LUZP2: variants seen among roughly 807,000 people sequenced by gnomAD.
The protein encoded by LUZP2 is leucine zipper protein 2.
A neutral mutation model predicts 51.6 loss-of-function variants in LUZP2; 52 were observed. The ratio of observed to expected loss-of-function variants is 1.01; its 90% CI spans 0.81 to 1.27. LUZP2 has a LOEUF of 1.27. Among genes scored for constraint, LUZP2 ranks in the 50% most tolerant of loss-of-function variants. The probability of loss-of-function intolerance (pLI) is 0.00; values close to 1 mark genes in which losing one functional copy is unlikely to be tolerated. For synonymous variants in LUZP2, 154 were observed against 137.3 expected (o/e 1.12, Z -0.85); for missense variants, 436 against 395.4 (o/e 1.10, Z -0.87).
At chr11:24,933,975 G>T (rs373130631) in intron 7 of LUZP2, among the ~76,000 whole-genome samples, 1 of 152,102 alleles carries the variant, frequency 6.6e-6, no homozygotes, top group Non-Finnish European at 1.5e-5. Context: ...GTTGGGGGGA[G>T]GATATTACAA....
intron 5 of LUZP2, among the ~76,000 whole-genome samples, chr11:24,787,275 T>C (rs1458431978): frequency 6.6e-6 from 1 of 152,116 alleles, no homozygotes; most frequent in South Asian, 2.1e-4. Context: ...TTAAAAAAGA[T>C]TGAGCTGATT....
At chr11:24,891,069 A>G (rs1852839297) in intron 5 of LUZP2, 1 of 983,792 alleles carries the variant, frequency 1.0e-6, no homozygotes, top group African/African-American at 1.7e-5. Context: ...TAGCTGAGAA[A>G]CGTTCAAAAA....
At chr11:25,075,602 C>T (rs988940347) in intron 10 of LUZP2, among the ~76,000 whole-genome samples, 2 of 151,960 alleles carry the variant, frequency 1.3e-5, no homozygotes, top group African/African-American at 2.4e-5. Context: ...GTAAGTGTTA[C>T]AGTTGTTATA....
Position 24,852,233 on chromosome 11 carries a change from G to A in LUZP2, c.397-53758G>A, listed in dbSNP as rs186310427. 2.4e-3 allele frequency among the ~76,000 whole-genome samples: 363 copies of A among 152,194 alleles called. 3 individuals are homozygous for A. The highest frequency in any genetic ancestry group is 3.4e-3 in the Middle Eastern group (1 of 294). ...TTTTAGCCCTTTCTCGCTTTCTCCT[G>A]TGGGCATTTAGTGATATAAATTTCC... On this transcript the variant is annotated intron_variant, in intron 5 of 11. Coordinates refer to ENST00000336930, the MANE Select transcript of LUZP2 (RefSeq NM_001009909.4).
At chr11:24,537,637 C>T (rs909954704) in intron 1 of LUZP2, among the ~76,000 whole-genome samples, 1 of 102,544 alleles carries the variant, frequency 9.8e-6, no homozygotes, top group East Asian at 3.2e-4. Context: ...TAGCTTTTTA[C>T]CACTTCTGAA....
intron 8 of LUZP2, among the ~76,000 whole-genome samples, 186 bp from the exon 9 acceptor site, chr11:24,982,940 C>T (rs1352285981): frequency 6.6e-6 from 1 of 151,690 alleles, no homozygotes; most frequent in Admixed American, 6.6e-5. Context: ...AATGCATTAG[C>T]TCCTAGAAAC....
intron 5 of LUZP2, among the ~76,000 whole-genome samples, chr11:24,828,936 A>G (rs1590605371): frequency 6.6e-6 from 1 of 152,198 alleles, no homozygotes; most frequent in South Asian, 2.1e-4. Flanking sequence ...GGGACCAGGG[A>G]GTAACCCTGG....
In LUZP2 at chr11:25,079,645, C is replaced by T. The variant is rs1352039673; in HGVS notation, c.*987C>T. 2 of 152,046 alleles carry T rather than the reference C, an allele frequency of 1.3e-5. No individual in the cohort carries two copies. The highest frequency in any genetic ancestry group is 2.9e-5 in the Non-Finnish European group (2 of 67,962). 9.4% of individuals were successfully genotyped at this position (152,046 alleles called of 1,614,324 possible). A position where few individuals can be genotyped will look rare whatever the true frequency, so the allele number is the denominator to read the frequency against. On this transcript the variant is annotated 3_prime_UTR_variant, in exon 12 of 12. Coordinates refer to ENST00000336930, the MANE Select transcript of LUZP2 (RefSeq NM_001009909.4). ...AGGAATATCACTAATCAAAAAAATG[C>T]ACTCATGAATAATTGGAAGATAGCT... is the stretch of plus-strand genomic sequence containing the variant.
chr11:24,503,629 C>T (rs1184972958), intron 1 of LUZP2, among the ~76,000 whole-genome samples: 1 of 152,094 alleles, frequency 6.6e-6, no homozygotes, highest in African/African-American at 2.4e-5. Flanking sequence ...ATTGTGAACA[C>T]AAGAATGTGT....
chr11:24,775,772 T>G (rs904254107), intron 5 of LUZP2, among the ~76,000 whole-genome samples: 3 of 152,114 alleles, frequency 2.0e-5, no homozygotes, highest in South Asian at 4.1e-4. Flanking sequence ...GAGAGAGAGA[T>G]AGCTAGTGTT....
At chr11:24,700,850 A>G (rs1466886535) in intron 1 of LUZP2, among the ~76,000 whole-genome samples, 1 of 151,598 alleles carries the variant, frequency 6.6e-6, no homozygotes, top group Non-Finnish European at 1.5e-5. Context: ...AAATTAAAAG[A>G]TATATATATG....
intron 10 of LUZP2, among the ~76,000 whole-genome samples, chr11:25,068,619 T>C (rs937413883): frequency 1.3e-5 from 2 of 152,006 alleles, no homozygotes; most frequent in Admixed American, 1.3e-4. Flanking sequence ...TTGTATGTAA[T>C]GATCGCTGTA....
chr11:24,691,584 TA>T (rs1857068016), intron 1 of LUZP2, among the ~76,000 whole-genome samples: 1 of 151,798 alleles, frequency 6.6e-6, no homozygotes, highest in Admixed American at 6.6e-5. Flanking sequence ...TTCAGGTATA[TA>T]AAACCTAGAA....
At chr11:24,834,365 A>G (rs1223578693) in intron 5 of LUZP2, among the ~76,000 whole-genome samples, 2 of 151,756 alleles carry the variant, frequency 1.3e-5, no homozygotes, top group Non-Finnish European at 2.9e-5. Flanking sequence ...CTGTTCCTGT[A>G]TTAGTCTGAT....
At chr11:24,756,113 A>T (rs1453326260) in intron 4 of LUZP2, among the ~76,000 whole-genome samples, 1 of 152,146 alleles carries the variant, frequency 6.6e-6, no homozygotes, top group Non-Finnish European at 1.5e-5. Flanking sequence ...CTTCAACTGT[A>T]GGCAAAGCTT....
At chr11:24,538,765 A>T (rs1374824674) in intron 1 of LUZP2, among the ~76,000 whole-genome samples, 1 of 151,740 alleles carries the variant, frequency 6.6e-6, no homozygotes, top group African/African-American at 2.4e-5. Flanking sequence ...TAAGTAAAAT[A>T]TTTCACAGCA....
chr11:24,792,609 T>C (rs558616809), intron 5 of LUZP2, among the ~76,000 whole-genome samples: 8 of 152,278 alleles, frequency 5.3e-5, no homozygotes, highest in Non-Finnish European at 8.8e-5. Context: ...ATGAAGTTCA[T>C]TGAAGTTCGT....
chr11:24,892,549 A>G lies in LUZP2; in HGVS notation c.397-13442A>G, dbSNP rs1852891508. On this transcript the variant is annotated intron_variant, in intron 5 of 11. Transcript: ENST00000336930. ...TGTTAATGTTTCTATTCTCCATAACATTCTGTTTATAGATAAGCCCTATGC... is the reference window on the plus strand; with the variant it reads ...TGTTAATGTTTCTATTCTCCATAACGTTCTGTTTATAGATAAGCCCTATGC... The G allele has an allele frequency of 9.6e-6, 5 of 520,518 alleles. No homozygotes were observed. The South Asian group carries it at 4.2e-4, about 44-fold the overall frequency. The allele number at this position is 520,518 out of a possible 1,614,324, so 32.2% of individuals were successfully genotyped here.
intron 1 of LUZP2, among the ~76,000 whole-genome samples, chr11:24,546,948 TTGTTGTTGTTGTTGTTGG>T (rs1159085392): frequency 2.3e-5 from 3 of 128,288 alleles, no homozygotes; most frequent in South Asian, 2.8e-4. Flanking sequence ...GTTTTTGTTG[TTGTTGTTGTTGTTGTTGG>T]TGGTGGTGGT....
Sources: allele counts gnomAD v4.1 joint callset (sites outside exome capture counted in the v4.1 genomes callset), GRCh38; gene constraint gnomAD v4.1.1; transcripts MANE v1.5; gene names NCBI Gene and HGNC (gene_info 2026-07-23, HGNC 2026-07-21).